The following KLF12 variants were observed in gnomAD, a reference collection of about 807,000 sequenced individuals.
KLF12 encodes Krueppel-like factor 12.
KLF12 carries 9 observed loss-of-function variants against 37.8 expected under a neutral mutation model. The observed-to-expected ratio is 0.24, with a 90% CI of 0.14 to 0.42. The LOEUF (loss-of-function observed/expected upper bound fraction) is 0.42. Ranked by LOEUF, KLF12 falls within the 10% of genes least tolerant of loss-of-function variation. KLF12 has a pLI of 1.00. For missense variants in KLF12, 411 were observed against 516.0 expected, an observed-to-expected ratio of 0.80 and a Z score of 1.97; for synonymous variants, 208 against 202.1, an observed-to-expected ratio of 1.03 and a Z score of -0.25.
the KLF12 span, among the ~76,000 whole-genome samples, chr13:74,186,253 T>C: frequency 6.6e-6 from 1 of 152,186 alleles, no homozygotes; most frequent in Non-Finnish European, 1.5e-5. Context: ...ACAGCTTCTC[T>C]TCCTGGTGTA....
chr13:73,814,760 G>A (rs546049015), intron 4 of KLF12, among the ~76,000 whole-genome samples: 11 of 152,076 alleles, frequency 7.2e-5, no homozygotes, highest in Admixed American at 2.6e-4. Flanking sequence ...AACTTGGGGC[G>A]GGGGATAGGG....
upstream of KLF12, among the ~76,000 whole-genome samples, chr13:74,137,012 C>T (rs1361431486): frequency 2.0e-5 from 3 of 152,070 alleles, no homozygotes; most frequent in African/African-American, 7.3e-5. Flanking sequence ...ACGGAGATCA[C>T]TAGAGGAGTG....
intron 3 of KLF12, among the ~76,000 whole-genome samples, chr13:73,880,537 A>G (rs1186887301): frequency 6.6e-6 from 1 of 152,166 alleles, no homozygotes; most frequent in East Asian, 1.9e-4. Flanking sequence ...TTCCTCTGCT[A>G]CTTCCTGCTG....
chr13:74,014,046 T>C (rs1408676), intron 1 of KLF12, among the ~76,000 whole-genome samples: 19,937 of 152,124 alleles, frequency 0.13, 1,505 homozygotes, highest in Admixed American at 0.2. Context: ...GTTTGAGAAA[T>C]AGGCTATTGA....
chr13:73,820,572 C>T (rs1419613937), intron 4 of KLF12, among the ~76,000 whole-genome samples: 1 of 152,184 alleles, frequency 6.6e-6, no homozygotes, highest in Non-Finnish European at 1.5e-5. Flanking sequence ...AATGCTAATG[C>T]CTCTACAGAG....
the KLF12 span, among the ~76,000 whole-genome samples, chr13:74,174,335 CTT>C: frequency 7.5e-5 from 10 of 133,118 alleles, no homozygotes; most frequent in Admixed American, 7.6e-5. Context: ...TCTTTCTTTT[CTT>C]TTTTTTTTTT....
At chr13:74,000,601 A>C (rs369284451) in intron 1 of KLF12, among the ~76,000 whole-genome samples, 1 of 152,210 alleles carries the variant, frequency 6.6e-6, no homozygotes, top group Admixed American at 6.5e-5. Context: ...CAGAAAGTAA[A>C]ATTTAATAAT....
At chr13:73,841,195 C>A (rs542828953) in intron 4 of KLF12, among the ~76,000 whole-genome samples, 41 of 152,236 alleles carry the variant, frequency 2.7e-4, no homozygotes, top group African/African-American at 8.4e-4. Context: ...TAAATGCACA[C>A]TGCATATCGG....
At chr13:74,055,489 T>G (rs566664115) in intron 1 of KLF12, among the ~76,000 whole-genome samples, 2 of 152,338 alleles carry the variant, frequency 1.3e-5, no homozygotes, top group Admixed American at 1.3e-4. Flanking sequence ...CGTGCTCCAG[T>G]AGGTCTGATC....
the KLF12 span, among the ~76,000 whole-genome samples, chr13:74,289,589 A>G: frequency 6.6e-6 from 1 of 152,218 alleles, no homozygotes; most frequent in African/African-American, 2.4e-5. Context: ...GTCTTTGACA[A>G]GTAGAGAAAT....
At chr13:73,825,147 C>A (rs148662830) in intron 4 of KLF12, among the ~76,000 whole-genome samples, 1 of 151,860 alleles carries the variant, frequency 6.6e-6, no homozygotes, top group African/African-American at 2.4e-5. Context: ...TGTAACAGTG[C>A]CCCCCTTCTC....
chr13:74,011,779 T>A (rs556774729), intron 1 of KLF12, among the ~76,000 whole-genome samples: 1 of 152,350 alleles, frequency 6.6e-6, no homozygotes, highest in East Asian at 1.9e-4. Flanking sequence ...TTTGAGCATC[T>A]GTGGATTTTG....
At chr13:74,252,179 T>C in the KLF12 span, among the ~76,000 whole-genome samples, 1 of 152,214 alleles carries the variant, frequency 6.6e-6, no homozygotes, top group Non-Finnish European at 1.5e-5. Context: ...ACTAGACATA[T>C]AGATTATTGA....
At chr13:74,286,385 C>T in the KLF12 span, among the ~76,000 whole-genome samples, 481 of 152,262 alleles carry the variant, frequency 3.2e-3, 2 homozygotes, top group African/African-American at 0.011. Flanking sequence ...AGGGAAGCAA[C>T]TGAAATTCAT....
the KLF12 span, among the ~76,000 whole-genome samples, chr13:74,269,498 G>T: frequency 1.3e-5 from 2 of 152,144 alleles, no homozygotes; most frequent in African/African-American, 4.8e-5. Context: ...GCCAAGACAT[G>T]TATTTAGATT....
chr13:74,086,025 TGA>T (rs940964100), intron 1 of KLF12, among the ~76,000 whole-genome samples: 1 of 149,692 alleles, frequency 6.7e-6, no homozygotes, highest in African/African-American at 2.4e-5. Context: ...AAAGATATAT[TGA>T]GTTTTTAATA....
At chr13:73,965,634 C>T (rs1023129541) in intron 2 of KLF12, among the ~76,000 whole-genome samples, 5 of 152,182 alleles carry the variant, frequency 3.3e-5, no homozygotes, top group African/African-American at 1.2e-4. Context: ...ATCCCAAGGG[C>T]AGATGCAGAC....
chr13:74,065,606 T>C (rs1181963700), intron 1 of KLF12, among the ~76,000 whole-genome samples: 1 of 152,058 alleles, frequency 6.6e-6, no homozygotes, highest in Admixed American at 6.6e-5. Context: ...TAATATGGGA[T>C]AGAGAAGTGG....
At chr13:74,288,560 G>C in the KLF12 span, among the ~76,000 whole-genome samples, 6 of 152,274 alleles carry the variant, frequency 3.9e-5, no homozygotes, top group East Asian at 1.2e-3. Flanking sequence ...CAACAGGGTG[G>C]GGAGTGGTTT....
Sources: allele counts gnomAD v4.1 joint callset (sites outside exome capture counted in the v4.1 genomes callset), GRCh38; gene constraint gnomAD v4.1.1; transcripts MANE v1.5; gene names NCBI Gene and HGNC (gene_info 2026-07-23, HGNC 2026-07-21).